Variants in CREB5 observed in about 807,000 individuals in gnomAD.
The protein encoded by CREB5 is cAMP responsive element binding protein 5, also known as cyclic AMP-responsive element-binding protein 5.
A neutral mutation model predicts 57.1 loss-of-function variants in CREB5; 19 were observed. That is an observed-to-expected ratio of 0.33 (90% confidence interval 0.23 to 0.49). The LOEUF is 0.49. Ranked by LOEUF, CREB5 falls within the 20% of genes least tolerant of loss-of-function variation. The pLI, the probability that CREB5 is intolerant of heterozygous loss-of-function variation, is 0.99. For synonymous variants in CREB5, 238 were observed against 238.3 expected, an observed-to-expected ratio of 1.00 and a Z score of 0.01; for missense variants, 579 against 671.6, an observed-to-expected ratio of 0.86 and a Z score of 1.52.
intron 5 of CREB5, among the ~76,000 whole-genome samples, chr7:28,621,634 C>T (rs1797795006): frequency 1.3e-5 from 2 of 152,138 alleles, no homozygotes; most frequent in Non-Finnish European, 2.9e-5. Context: ...CAACCCCGTT[C>T]ATTTAAAAGA....
intron 1 of CREB5, among the ~76,000 whole-genome samples, chr7:28,475,250 C>CTTTTTTTT (rs530903709): frequency 1.7e-5 from 1 of 59,586 alleles, no homozygotes; most frequent in African/African-American, 7.4e-5. Flanking sequence ...TCAGAAGTTT[C>CTTTTTTTT]TTTTTTTTTT....
At position 28,403,620 on chromosome 7, in the gene CREB5, C is replaced by T. The variant is rs538600756; in HGVS notation, c.-24-91286C>T. Among the ~76,000 whole-genome samples the T allele has an allele frequency of 1.4e-4, 22 of 152,222 alleles. No individual in the cohort carries two copies. The South Asian group carries it at 3.5e-3, about 24-fold the overall frequency. On this transcript the variant is annotated intron_variant, in intron 1 of 9. Coordinates refer to the CREB5 transcript ENST00000396299. ...ACACACCTAGTAAGTGACAAGGCTACGGCTGTCAAATCTCTTGCTGTCTGC... is the reference window on the plus strand; with the variant it reads ...ACACACCTAGTAAGTGACAAGGCTATGGCTGTCAAATCTCTTGCTGTCTGC...
intron 5 of CREB5, among the ~76,000 whole-genome samples, chr7:28,687,268 AT>A (rs1432367418): frequency 6.6e-6 from 1 of 151,882 alleles, no homozygotes; most frequent in Admixed American, 6.6e-5. Context: ...TCTTGAATTA[AT>A]TTTTTAGATG....
At chr7:28,473,582 C>T (rs973097715) in intron 1 of CREB5, among the ~76,000 whole-genome samples, 3 of 152,182 alleles carry the variant, frequency 2.0e-5, no homozygotes, top group Non-Finnish European at 4.4e-5. Context: ...GGTAGGTCCT[C>T]GGGAGACTTT....
intron 9 of CREB5, 124 bp downstream of exon 9, chr7:28,809,538 A>C: frequency 2.4e-6 from 2 of 825,146 alleles, no homozygotes; most frequent in South Asian, 1.9e-5. Flanking sequence ...GAGGAGCCGC[A>C]GCCCCACTCC....
intron 1 of CREB5, among the ~76,000 whole-genome samples, chr7:28,314,458 T>C (rs1028096462): frequency 1.3e-5 from 2 of 152,244 alleles, no homozygotes; most frequent in African/African-American, 4.8e-5. Context: ...CTTAGTCCTA[T>C]GGAGCTTGAA....
At chr7:28,324,694 T>C (rs1164846298) in intron 1 of CREB5, among the ~76,000 whole-genome samples, 1 of 152,152 alleles carries the variant, frequency 6.6e-6, no homozygotes, top group Admixed American at 6.6e-5. Context: ...CACCAATGAC[T>C]CCCAAATCCA....
chr7:28,445,413 T>A (rs951066027), intron 1 of CREB5, among the ~76,000 whole-genome samples: 1 of 152,188 alleles, frequency 6.6e-6, no homozygotes, highest in Non-Finnish European at 1.5e-5. Context: ...TACAGTAGGC[T>A]GCAGAAAGAG....
chr7:28,687,433 A>T (rs1290895264), intron 5 of CREB5, among the ~76,000 whole-genome samples: 1 of 151,400 alleles, frequency 6.6e-6, no homozygotes, highest in African/African-American at 2.4e-5. Context: ...GTGTACTCAG[A>T]GAGAGAGACT....
At chr7:28,671,237 C>CA (rs1278554387) in intron 5 of CREB5, among the ~76,000 whole-genome samples, 2 of 148,764 alleles carry the variant, frequency 1.3e-5, no homozygotes, top group African/African-American at 5.0e-5. Context: ...GCCTGGGTGA[C>CA]AGAGTGAGAC....
chr7:28,301,133 C>T (rs1195940898), intron 1 of CREB5, among the ~76,000 whole-genome samples: 1 of 152,200 alleles, frequency 6.6e-6, no homozygotes, highest in Non-Finnish European at 1.5e-5. Context: ...ACCGCTCTAA[C>T]AGAAAAGTTG....
intron 1 of CREB5, 24 bp downstream of exon 1, chr7:28,412,941 T>C: frequency 7.1e-7 from 1 of 1,415,596 alleles, no homozygotes; most frequent in South Asian, 1.9e-5. Context: ...TTATTATGCA[T>C]ATTAAACAGA....
At chr7:28,774,714 A>G (rs1170780896) in intron 7 of CREB5, among the ~76,000 whole-genome samples, 1 of 152,242 alleles carries the variant, frequency 6.6e-6, no homozygotes, top group Non-Finnish European at 1.5e-5. Context: ...CCCCACTGCT[A>G]TAGAATGTTA....
chr7:28,766,988 A>G (rs1806039053), intron 7 of CREB5, among the ~76,000 whole-genome samples: 1 of 152,208 alleles, frequency 6.6e-6, no homozygotes. Context: ...GACGCTAAAC[A>G]TTATTTCTAT....
rs187391703 is a variant in CREB5 at position 28,469,892 on chromosome 7, T to C, written c.4-18283T>C. 4.1e-3 allele frequency among the ~76,000 whole-genome samples: 624 copies of C among 152,322 alleles called. 8 individuals are homozygous for C. The highest frequency in any genetic ancestry group is 0.014 in the African/African-American group (595 of 41,580). On this transcript the variant is annotated intron_variant, in intron 1 of 10. Coordinates refer to ENST00000357727, the MANE Select transcript of CREB5 (RefSeq NM_182898.4). ...CAAGATTTGAACCCATGTACTCTTT[T>C]TTTCCAATGTGATCATGTTTATTTA...
chr7:28,613,144 C>T (rs889236630), intron 5 of CREB5, among the ~76,000 whole-genome samples: 1 of 152,164 alleles, frequency 6.6e-6, no homozygotes, highest in Non-Finnish European at 1.5e-5. Flanking sequence ...GCAAACCATT[C>T]GTGAAGTAGC....
At chr7:28,555,073 A>G (rs1005796851) in intron 4 of CREB5, among the ~76,000 whole-genome samples, 3 of 150,350 alleles carry the variant, frequency 2.0e-5, no homozygotes, top group Admixed American at 6.6e-5. Flanking sequence ...TCAGCACACT[A>G]GAGGTCTTCC....
chr7:28,348,729 C>T (rs1441082151), intron 1 of CREB5, among the ~76,000 whole-genome samples: 2 of 152,126 alleles, frequency 1.3e-5, no homozygotes, highest in Non-Finnish European at 2.9e-5. Context: ...CGCTAGCTTT[C>T]CTGGCAATGA....
intron 8 of CREB5, among the ~76,000 whole-genome samples, chr7:28,804,890 G>A (rs1412427866): frequency 6.6e-6 from 1 of 152,138 alleles, no homozygotes; most frequent in Non-Finnish European, 1.5e-5. Flanking sequence ...TGAGAAAAAC[G>A]AGTTAATTCT....
Sources: gnomAD v4.1 joint callset for allele counts (sites outside exome capture counted in the v4.1 genomes callset) on GRCh38, gnomAD v4.1.1 for gene constraint, MANE v1.5 for transcripts, NCBI Gene and HGNC (gene_info 2026-07-23, HGNC 2026-07-21) for gene names.